The following SYNPR variants were observed in gnomAD, a reference collection of about 807,000 sequenced individuals.
SYNPR encodes synaptoporin.
A neutral mutation model predicts 32.9 loss-of-function variants in SYNPR; 23 were observed. That is an observed-to-expected ratio of 0.70 (90% CI 0.50 to 0.99). The LOEUF is 0.99. Among genes scored for constraint, SYNPR ranks in the 50% least tolerant of loss-of-function variants. The probability of loss-of-function intolerance (pLI) is 0.00; values close to 1 mark genes in which losing one functional copy is unlikely to be tolerated. For synonymous variants in SYNPR, 146 were observed against 135.9 expected (o/e 1.07, Z -0.52); for missense variants, 318 against 349.3 (o/e 0.91, Z 0.71).
intron 2 of SYNPR, among the ~76,000 whole-genome samples, chr3:63,311,233 T>C (rs531208413): frequency 6.6e-6 from 1 of 152,156 alleles, no homozygotes; most frequent in African/African-American, 2.4e-5. Context: ...CAATTGTCAG[T>C]TTGGGAAATT....
At chr3:63,575,574 G>A (rs1056064612) in intron 4 of SYNPR, among the ~76,000 whole-genome samples, 8 of 152,256 alleles carry the variant, frequency 5.3e-5, no homozygotes, top group African/African-American at 1.4e-4. Context: ...TGGGATTGTG[G>A]GGAAAAGCTT....
chr3:63,283,104 C>G (rs910201341), intron 2 of SYNPR, among the ~76,000 whole-genome samples: 1 of 152,162 alleles, frequency 6.6e-6, no homozygotes, highest in East Asian at 1.9e-4. Flanking sequence ...GGGCCTATCA[C>G]CTGTCTACAG....
At chr3:63,352,510 G>C (rs2087523498) in intron 2 of SYNPR, among the ~76,000 whole-genome samples, 1 of 152,084 alleles carries the variant, frequency 6.6e-6, no homozygotes, top group African/African-American at 2.4e-5. Context: ...TTCAGTTCCA[G>C]CTAACTGATG....
intron 3 of SYNPR, among the ~76,000 whole-genome samples, chr3:63,496,973 T>G (rs17068830): frequency 0.17 from 25,529 of 152,046 alleles, 2,507 homozygotes; most frequent in East Asian, 0.26. Flanking sequence ...TTTTTAAGAA[T>G]AGCTTGATAT....
chr3:63,264,390 C>A (rs543616770), intron 2 of SYNPR, among the ~76,000 whole-genome samples: 2 of 141,874 alleles, frequency 1.4e-5, no homozygotes, highest in East Asian at 4.3e-4. Context: ...TCTTACAAGC[C>A]TGTTTGAAAA....
intron 2 of SYNPR, among the ~76,000 whole-genome samples, chr3:63,281,149 T>G (rs1341360692): frequency 1.3e-5 from 2 of 152,192 alleles, no homozygotes; most frequent in African/African-American, 4.8e-5. Context: ...TGTGATTTCT[T>G]ATAGATGGTA....
chr3:63,398,595 G>A (rs1372770337), intron 2 of SYNPR, among the ~76,000 whole-genome samples: 1 of 151,878 alleles, frequency 6.6e-6, no homozygotes, highest in Non-Finnish European at 1.5e-5. Flanking sequence ...GTGGGCACCT[G>A]TACTCCCAGC....
intron 2 of SYNPR, among the ~76,000 whole-genome samples, chr3:63,414,297 T>A (rs1315584620): frequency 6.6e-6 from 1 of 152,166 alleles, no homozygotes; most frequent in Admixed American, 6.5e-5. Flanking sequence ...ACATTAAATA[T>A]CTTTTGAAAA....
intron 3 of SYNPR, among the ~76,000 whole-genome samples, chr3:63,535,284 G>A (rs1702181937): frequency 2.0e-5 from 3 of 152,000 alleles, no homozygotes; most frequent in Admixed American, 6.6e-5. Flanking sequence ...AATTTATATT[G>A]TGATACTAAA....
chr3:63,389,017 T>A (rs1044062696), intron 2 of SYNPR, among the ~76,000 whole-genome samples: 27 of 152,178 alleles, frequency 1.8e-4, no homozygotes, highest in Non-Finnish European at 3.1e-4. Flanking sequence ...TTTGGCCACA[T>A]CTGGATTTTA....
intron 2 of SYNPR, among the ~76,000 whole-genome samples, chr3:63,471,022 C>A (rs1700784930): frequency 1.3e-5 from 2 of 152,158 alleles, no homozygotes; most frequent in Admixed American, 6.5e-5. Context: ...ACTTCTTTTG[C>A]CATGTAAGTA....
chr3:63,290,180 G>C (rs938217618), intron 2 of SYNPR, among the ~76,000 whole-genome samples: 2 of 151,566 alleles, frequency 1.3e-5, no homozygotes, highest in Non-Finnish European at 1.5e-5. Context: ...GGCCTCAAGA[G>C]ATCCCACTAC....
chr3:63,270,422 T>C (rs1233501696), intron 3 of SYNPR, among the ~76,000 whole-genome samples: 1 of 152,132 alleles, frequency 6.6e-6, no homozygotes, highest in East Asian at 1.9e-4. Flanking sequence ...GTAGTAAGAT[T>C]AAAATAAATC....
At chr3:63,487,952 T>A (rs2106710048) in intron 3 of SYNPR, among the ~76,000 whole-genome samples, 1 of 152,202 alleles carries the variant, frequency 6.6e-6, no homozygotes, top group African/African-American at 2.4e-5. Context: ...ATTCCCCCGC[T>A]CATGACTCTA....
At chr3:63,386,570 C>G (rs1405772638) in intron 2 of SYNPR, among the ~76,000 whole-genome samples, 1 of 146,080 alleles carries the variant, frequency 6.8e-6, no homozygotes, top group Non-Finnish European at 1.5e-5. Context: ...TAATTATCTT[C>G]CATGAGAGTA....
intron 4 of SYNPR, among the ~76,000 whole-genome samples, chr3:63,588,069 T>G (rs1181529869): frequency 6.6e-6 from 1 of 152,138 alleles, no homozygotes; most frequent in Non-Finnish European, 1.5e-5. Context: ...TTATCCATGC[T>G]TCTATTATCT....
At chr3:63,396,928 C>A (rs1338857357) in intron 2 of SYNPR, among the ~76,000 whole-genome samples, 1 of 151,972 alleles carries the variant, frequency 6.6e-6, no homozygotes, top group Non-Finnish European at 1.5e-5. Context: ...CACGGTGAAA[C>A]CCCGTCTCTA....
At chr3:63,439,688 G>A (rs1279687500) in intron 2 of SYNPR, among the ~76,000 whole-genome samples, 1 of 152,160 alleles carries the variant, frequency 6.6e-6, no homozygotes, top group East Asian at 1.9e-4. Flanking sequence ...AAATCAATAT[G>A]ACACTGAAAT....
intron 4 of SYNPR, 42 bp from the exon 5 acceptor site, chr3:63,609,083 A>G: frequency 6.5e-7 from 1 of 1,543,962 alleles, no homozygotes; most frequent in Non-Finnish European, 8.7e-7. Flanking sequence ...TCTAGAACTC[A>G]CATTTTCTTT....
Sources: gnomAD v4.1 joint callset for allele counts (sites outside exome capture counted in the v4.1 genomes callset) on GRCh38, gnomAD v4.1.1 for gene constraint, MANE v1.5 for transcripts, NCBI Gene and HGNC (gene_info 2026-07-23, HGNC 2026-07-21) for gene names.